The following MCTP2 variants were observed in gnomAD, a reference collection of about 807,000 sequenced individuals.
MCTP2 encodes the protein multiple C2 and transmembrane domain containing 2.
In MCTP2, 132 loss-of-function variants were observed where a neutral mutation model predicts 111.6. The observed-to-expected ratio is 1.18, with a 90% CI of 1.03 to 1.37. The LOEUF (loss-of-function observed/expected upper bound fraction) is 1.37. MCTP2 is among the 40% of genes most tolerant of loss of function. The pLI is 0.00. For synonymous variants in MCTP2, 395 were observed against 387.7 expected, an observed-to-expected ratio of 1.02 and a Z score of -0.22; for missense variants, 1,183 against 1,067.9, an observed-to-expected ratio of 1.11 and a Z score of -1.50.
chr15:94,312,683 C>G (rs1429527195), intron 2 of MCTP2, among the ~76,000 whole-genome samples: 1 of 152,166 alleles, frequency 6.6e-6, no homozygotes, highest in Non-Finnish European at 1.5e-5. Flanking sequence ...CCGCAGATTA[C>G]AAGAACCTTA....
intron 14 of MCTP2, among the ~76,000 whole-genome samples, chr15:94,390,076 A>ATATATATATG (rs1567602401): frequency 0.059 from 747 of 12,598 alleles, 22 homozygotes; most frequent in Non-Finnish European, 0.12. Flanking sequence ...ATATATATAT[A>ATATATATATG]TATATATATA....
chr15:94,328,218 T>A (rs2076969357), intron 4 of MCTP2, among the ~76,000 whole-genome samples: 1 of 150,734 alleles, frequency 6.6e-6, no homozygotes, highest in African/African-American at 2.4e-5. Context: ...AGGCTCTGCC[T>A]CCCGGGTTCA....
intron 18 of MCTP2, among the ~76,000 whole-genome samples, 183 bp downstream of exon 18, chr15:94,440,481 G>A (rs1168651627): frequency 6.6e-6 from 1 of 152,176 alleles, no homozygotes; most frequent in Non-Finnish European, 1.5e-5. Flanking sequence ...TCTTTCTGTG[G>A]CATCTTACGT....
chr15:94,405,944 T>G (rs1181299729), intron 17 of MCTP2, among the ~76,000 whole-genome samples: 1 of 152,214 alleles, frequency 6.6e-6, no homozygotes, highest in Non-Finnish European at 1.5e-5. Flanking sequence ...AAAAACAAAT[T>G]AATATGAGAT....
chr15:94,328,477 C>T (rs2069362386), intron 4 of MCTP2, among the ~76,000 whole-genome samples: 1 of 152,138 alleles, frequency 6.6e-6, no homozygotes, highest in Admixed American at 6.5e-5. Context: ...TGTTTCAAGT[C>T]ACTCTTTTAA....
Position 94,464,255 on chromosome 15 carries a change from TATTATATA to T in MCTP2, c.2360+6010_2360+6017del, listed in dbSNP as rs1310263791. On this transcript the variant is annotated intron_variant, in intron 20 of 22. Coordinates refer to ENST00000357742, the MANE Select transcript of MCTP2 (RefSeq NM_001385001.1). ...TATATATATAATATATATATATATA[TATTATATA>T]TATATATATATATATAAACGTCAGC... Among the ~76,000 whole-genome samples the T allele has an allele frequency of 1.7e-3, 139 of 80,188 alleles. 7 individuals carry two copies. The highest frequency in any genetic ancestry group is 5.1e-3 in the African/African-American group (90 of 17,496). The allele number at this position is 80,188 out of a possible 152,430, so 52.6% of individuals were successfully genotyped here.
chr15:94,417,774 T>C (rs1398873121), intron 17 of MCTP2, among the ~76,000 whole-genome samples: 1 of 152,144 alleles, frequency 6.6e-6, no homozygotes, highest in South Asian at 2.1e-4. Context: ...CGGGAGACCA[T>C]CCAAGACATT....
intron 20 of MCTP2, among the ~76,000 whole-genome samples, chr15:94,466,968 CT>C (rs2073388043): frequency 6.6e-6 from 1 of 152,106 alleles, no homozygotes; most frequent in Admixed American, 6.6e-5. Flanking sequence ...ATATCAATAA[CT>C]TTCTTTCCAT....
chr15:94,299,328 G>A (rs934988997), intron 2 of MCTP2, among the ~76,000 whole-genome samples: 3 of 151,816 alleles, frequency 2.0e-5, no homozygotes, highest in Non-Finnish European at 4.4e-5. Context: ...TTAAGTGTAT[G>A]TTTGTGTCTC....
At chr15:94,391,251 C>A (rs1381029785) in intron 14 of MCTP2, among the ~76,000 whole-genome samples, 1 of 152,000 alleles carries the variant, frequency 6.6e-6, no homozygotes, top group Non-Finnish European at 1.5e-5. Context: ...CAAATAAATG[C>A]CATGTGTATC....
intron 12 of MCTP2, among the ~76,000 whole-genome samples, chr15:94,382,649 G>A (rs542862733): frequency 2.0e-5 from 3 of 152,360 alleles, no homozygotes; most frequent in Admixed American, 6.5e-5. Context: ...GTTATTAAGC[G>A]AATTAGATGG....
At position 94,327,581 on chromosome 15, in the gene MCTP2, G is replaced by A. The variant is rs28719533; in HGVS notation, c.638-11709G>A. ...GAGATCATTGGCCACATCTGGGCCA[G>A]TGTATCAGAAAAATTGTTGTTCAAG... On this transcript the variant is annotated intron_variant, in intron 4 of 22. Coordinates refer to ENST00000357742, the MANE Select transcript of MCTP2 (RefSeq NM_001385001.1). Among the ~76,000 whole-genome samples the A allele has an allele frequency of 1.6e-3, 246 of 152,364 alleles. 3 individuals carry two copies. Among genetic ancestry groups the A allele is most frequent in the African/African-American group, 5.6e-3 (231 of 41,580 alleles).
Position 94,298,668 on chromosome 15 carries a change from AGCAACG to A in MCTP2, c.407_412del (p.Asn136_Gly137del), listed in dbSNP as rs1443299434. ...TCCTGCTGAGCGGAGACGGGTGTCC[AGCAACG>A]GCATCTTTGATCTTCAGAAAACTTC... On this transcript the variant is annotated inframe_deletion, in exon 2 of 23. Coordinates refer to ENST00000357742, the MANE Select transcript of MCTP2 (RefSeq NM_001385001.1). 3 of 1,613,648 alleles carry A rather than the reference AGCAACG, an allele frequency of 1.9e-6. No individual in the cohort carries two copies. Among genetic ancestry groups the A allele is most frequent in the African/African-American group, 2.7e-5 (2 of 74,932 alleles).
chr15:94,246,196 C>T (rs1288631049), intron 1 of MCTP2, among the ~76,000 whole-genome samples: 3 of 152,032 alleles, frequency 2.0e-5, no homozygotes, highest in African/African-American at 2.4e-5. Flanking sequence ...GAAACCGTCA[C>T]CTACAGGAAA....
rs149178322 is a variant in MCTP2 at position 94,242,982 on chromosome 15, T to TAC, written c.-66+11321_-66+11322dup. On this transcript the variant is annotated intron_variant, in intron 1 of 22. Transcript: ENST00000357742. ...ACACGTGTATATGTGTATCTACACA[T>TAC]ACACGTGTATATGTGTATCTACACA... Among the ~76,000 whole-genome samples, 175 of 110,274 alleles carry TAC rather than the reference T, an allele frequency of 1.6e-3. 12 individuals carry two copies. Among genetic ancestry groups the TAC allele is most frequent in the Admixed American group, 4.0e-3 (48 of 12,108 alleles). 72.3% of individuals were successfully genotyped at this position (110,274 alleles called of 152,430 possible). A position where few individuals can be genotyped will look rare whatever the true frequency, so the allele number is the denominator to read the frequency against.
chr15:94,330,780 G>GCTGGAGTGCAGTGGTACAATCTTGGCTCA (rs150111617), intron 4 of MCTP2, among the ~76,000 whole-genome samples: 149 of 148,284 alleles, frequency 1.0e-3, no homozygotes, highest in African/African-American at 3.6e-3. Context: ...TGTTGCCCAG[G>GCTGGAGTGCAGTGGTACAATCTTGGCTCA]CTGGAGTGCA....
At chr15:94,406,728 G>T (rs751442033) in intron 17 of MCTP2, among the ~76,000 whole-genome samples, 1 of 152,172 alleles carries the variant, frequency 6.6e-6, no homozygotes, top group Non-Finnish European at 1.5e-5. Context: ...CCAAATTACA[G>T]TCTGACTTGT....
At chr15:94,389,676 A>G (rs977758951) in intron 14 of MCTP2, among the ~76,000 whole-genome samples, 4 of 152,146 alleles carry the variant, frequency 2.6e-5, no homozygotes, top group Non-Finnish European at 4.4e-5. Flanking sequence ...TCTGATCTTT[A>G]TAGGCAGTGG....
At chr15:94,297,830 T>A (rs2075344886) in intron 1 of MCTP2, among the ~76,000 whole-genome samples, 1 of 152,180 alleles carries the variant, frequency 6.6e-6, no homozygotes, top group African/African-American at 2.4e-5. Flanking sequence ...CCCCACCCCT[T>A]GATCATACTG....
Sources: allele counts gnomAD v4.1 joint callset (sites outside exome capture counted in the v4.1 genomes callset), GRCh38; gene constraint gnomAD v4.1.1; transcripts MANE v1.5; gene names NCBI Gene and HGNC (gene_info 2026-07-23, HGNC 2026-07-21).